Variants in SYTL3 observed in about 807,000 individuals in gnomAD.
SYTL3 encodes the protein synaptotagmin like 3.
Under a neutral mutation model 82.1 loss-of-function variants are expected in SYTL3, and 88 were observed. The observed-to-expected ratio is 1.07, with a 90% confidence interval of 0.90 to 1.28. The LOEUF (loss-of-function observed/expected upper bound fraction) is 1.28. Among genes scored for constraint, SYTL3 ranks in the 50% most tolerant of loss-of-function variants. The pLI, the probability that SYTL3 is intolerant of heterozygous loss-of-function variation, is 0.00. For missense variants in SYTL3, 831 were observed against 757.6 expected (o/e 1.10, Z -1.14); for synonymous variants, 311 against 289.4 (o/e 1.07, Z -0.76).
intron 10 of SYTL3, among the ~76,000 whole-genome samples, chr6:158,720,730 A>T (rs1225488009): frequency 6.6e-6 from 1 of 152,212 alleles, no homozygotes; most frequent in Non-Finnish European, 1.5e-5. Context: ...GTAATCCTTA[A>T]GACAGCCCTA....
At chr6:158,747,651 T>A (rs1383362279) in intron 12 of SYTL3, among the ~76,000 whole-genome samples, 1 of 152,136 alleles carries the variant, frequency 6.6e-6, no homozygotes, top group East Asian at 1.9e-4. Context: ...TCCAGCTAGA[T>A]TTTTTAACTT....
chr6:158,660,225 A>G (rs1285160221), intron 2 of SYTL3, among the ~76,000 whole-genome samples: 1 of 152,186 alleles, frequency 6.6e-6, no homozygotes, highest in African/African-American at 2.4e-5. Context: ...AGATCGCACC[A>G]CTGCACTCCA....
rs367878991 is a variant in SYTL3, at chr6:158,651,206, A to C, written c.-726-547A>C. On this transcript the variant is annotated intron_variant, in intron 1 of 17. Transcript: ENST00000611299. ...ATAATGTATGCAAAGTACTTAAACT[A>C]TCTGGTTCAGAGTAAGAGCTAAATA... Among the ~76,000 whole-genome samples the C allele has an allele frequency of 2.0e-5, 3 of 152,346 alleles. No homozygotes were observed. In the East Asian group the frequency reaches 5.8e-4, roughly 29 times the overall value.
rs1018814803 is a variant in SYTL3 at position 158,675,813 on chromosome 6, G to A, written c.330-7112G>A. Among the ~76,000 whole-genome samples the A allele has an allele frequency of 4.6e-5, 7 of 152,224 alleles. No homozygotes were observed. In the East Asian group the frequency reaches 1.2e-3, roughly 25 times the overall value. On this transcript the variant is annotated intron_variant, in intron 5 of 17. Coordinates refer to ENST00000611299, the MANE Select transcript of SYTL3 (RefSeq NM_001242394.2). ...ATACAAAAATAAATTAGCCGGGCGC[G>A]GTGGTGGGCACCTGTAGTCCCAGCT...
Position 158,707,268 on chromosome 6 carries a change from T to C in SYTL3, c.433T>C (p.Tyr145His), listed in dbSNP as rs2128454477. Residue 145 changes from tyrosine to histidine, a missense_variant, in exon 7 of 18, where the codon TAT (tyrosine) becomes CAT (histidine). Tyr to His is a moderately conservative substitution (Grantham distance 83). Transcript: ENST00000611299. ...ETVGGQLLQS[Y>H]QKLSKISVVP... ...AGTTGGAGGGCAGCTCTTGCAATCT[T>C]ATCAGAAGCTGAGGTGAGTGTTACA... The C allele has an allele frequency of 6.2e-7, 1 of 1,613,944 alleles. No individual in the cohort carries two copies. The highest frequency in any genetic ancestry group is 8.5e-7 in the Non-Finnish European group (1 of 1,180,036).
At chr6:158,718,534 C>G (rs1366002198) in intron 10 of SYTL3, among the ~76,000 whole-genome samples, 1 of 152,224 alleles carries the variant, frequency 6.6e-6, no homozygotes, top group Non-Finnish European at 1.5e-5. Flanking sequence ...CCTGCAGGGC[C>G]CACACCTGCC....
chr6:158,669,927 C>A lies in SYTL3; in HGVS notation c.329+4314C>A, dbSNP rs117123398. Among the ~76,000 whole-genome samples, 110 of 152,270 alleles carry A rather than the reference C, an allele frequency of 7.2e-4. No homozygotes were observed. In the East Asian group the frequency reaches 0.019, roughly 26 times the overall value. ...GGCCAGCCTGGCCAACATAGTGAGA[C>A]CTCGTCTCTGAAACAACTTAAAAAG... On this transcript the variant is annotated intron_variant, in intron 5 of 17. Coordinates refer to ENST00000611299, the MANE Select transcript of SYTL3 (RefSeq NM_001242394.2).
intron 11 of SYTL3, among the ~76,000 whole-genome samples, chr6:158,734,347 T>A (rs773094854): frequency 5.3e-5 from 8 of 152,002 alleles, no homozygotes; most frequent in Non-Finnish European, 8.8e-5. Context: ...AGGGCCAGAA[T>A]CACATCCTTG....
At chr6:158,652,959 G>A (rs1000277540) in intron 2 of SYTL3, among the ~76,000 whole-genome samples, 4 of 152,192 alleles carry the variant, frequency 2.6e-5, no homozygotes, top group East Asian at 1.9e-4. Context: ...GGACAGGGCC[G>A]TGCAAATAAA....
chr6:158,702,551 AG>A (rs144433268), intron 6 of SYTL3, among the ~76,000 whole-genome samples: 2,575 of 151,354 alleles, frequency 0.017, 72 homozygotes, highest in African/African-American at 0.058. Flanking sequence ...CAAAAACAAG[AG>A]GGGGGGAAAA....
chr6:158,719,774 C>T (rs561920232), intron 10 of SYTL3, among the ~76,000 whole-genome samples: 50 of 152,266 alleles, frequency 3.3e-4, no homozygotes, highest in Non-Finnish European at 5.9e-4. Flanking sequence ...ACAAAAATAC[C>T]GTGGTAGACA....
rs138263027 is a variant in SYTL3 at position 158,653,134 on chromosome 6, C to T, written c.-637+1292C>T. 4.7e-3 allele frequency among the ~76,000 whole-genome samples: 722 copies of T among 152,306 alleles called. 5 individuals are homozygous for T. The highest frequency in any genetic ancestry group is 0.016 in the African/African-American group (676 of 41,554). Reference sequence around the variant, plus strand: ...TGTTGCAAAAATGAGTCTTTTAAGCCTATGAATAGGGAACTGAGCTGAGAG... The same window carrying T: ...TGTTGCAAAAATGAGTCTTTTAAGCTTATGAATAGGGAACTGAGCTGAGAG... On this transcript the variant is annotated intron_variant, in intron 2 of 17. Transcript: ENST00000611299.
At chr6:158,684,909 G>C (rs963607743) in intron 6 of SYTL3, among the ~76,000 whole-genome samples, 2 of 151,758 alleles carry the variant, frequency 1.3e-5, no homozygotes, top group Non-Finnish European at 2.9e-5. Flanking sequence ...ATGAAGCAGG[G>C]TTGCTGTTTC....
chr6:158,654,956 C>G (rs1392872933), intron 2 of SYTL3, among the ~76,000 whole-genome samples: 2 of 152,078 alleles, frequency 1.3e-5, no homozygotes, highest in Non-Finnish European at 2.9e-5. Context: ...GGCACCATTA[C>G]AAAAATGTAG....
chr6:158,700,262 T>C (rs1031279774), intron 6 of SYTL3, among the ~76,000 whole-genome samples: 1 of 151,964 alleles, frequency 6.6e-6, no homozygotes, highest in Non-Finnish European at 1.5e-5. Flanking sequence ...GTCTCATAAA[T>C]AAATAAATAA....
chr6:158,652,391 G>A (rs1028946674), intron 2 of SYTL3, among the ~76,000 whole-genome samples: 4 of 152,070 alleles, frequency 2.6e-5, no homozygotes, highest in Non-Finnish European at 5.9e-5. Context: ...TGGGACTATA[G>A]GCACCTGCCG....
At chr6:158,752,353 G>A (rs553450560) in intron 13 of SYTL3, among the ~76,000 whole-genome samples, 1 of 152,314 alleles carries the variant, frequency 6.6e-6, no homozygotes, top group East Asian at 1.9e-4. Context: ...ACATTAGTTT[G>A]TCTTAGTGAA....
intron 5 of SYTL3, among the ~76,000 whole-genome samples, chr6:158,681,663 A>G (rs1412103199): frequency 6.6e-6 from 1 of 152,072 alleles, no homozygotes; most frequent in Admixed American, 6.6e-5. Flanking sequence ...GGGCCACCAG[A>G]AAAACAACAA....
intron 5 of SYTL3, among the ~76,000 whole-genome samples, chr6:158,676,431 A>T (rs980821608): frequency 6.6e-6 from 1 of 152,154 alleles, no homozygotes; most frequent in Non-Finnish European, 1.5e-5. Flanking sequence ...CTTAAATGTT[A>T]GACCTAAAAC....
Sources: allele counts gnomAD v4.1 joint callset (sites outside exome capture counted in the v4.1 genomes callset), GRCh38; gene constraint gnomAD v4.1.1; transcripts MANE v1.5; gene names NCBI Gene and HGNC (gene_info 2026-07-23, HGNC 2026-07-21).